Variants in CAMK1D observed in about 807,000 individuals in gnomAD.
The protein encoded by CAMK1D is calcium/calmodulin-dependent protein kinase type 1D.
Under a neutral mutation model 47.7 loss-of-function variants are expected in CAMK1D, and 9 were observed. The observed-to-expected ratio is 0.19, with a 90% confidence interval of 0.11 to 0.33. The LOEUF (loss-of-function observed/expected upper bound fraction) is 0.33, where lower values mean the gene tolerates loss of function less well. Ranked by LOEUF, CAMK1D falls within the 10% of genes least tolerant of loss-of-function variation. The pLI is 1.00. For synonymous variants in CAMK1D, 184 were observed against 184.9 expected (o/e 0.99, Z 0.04); for missense variants, 291 against 488.7 (o/e 0.60, Z 3.81).
At chr10:12,366,678 A>G (rs12413064) in intron 1 of CAMK1D, among the ~76,000 whole-genome samples, 1 of 151,510 alleles carries the variant, frequency 6.6e-6, no homozygotes. Context: ...AAGAAGAGTC[A>G]ATCATTGGCT....
chr10:12,515,360 C>G (rs905028401), intron 1 of CAMK1D, among the ~76,000 whole-genome samples: 1 of 150,952 alleles, frequency 6.6e-6, no homozygotes, highest in Admixed American at 6.6e-5. Flanking sequence ...GAAGCCTCGG[C>G]AGCCTTTCTC....
intron 2 of CAMK1D, among the ~76,000 whole-genome samples, chr10:12,644,475 C>T (rs1333804030): frequency 6.6e-6 from 1 of 152,194 alleles, no homozygotes; most frequent in East Asian, 1.9e-4. Context: ...AAGCACTTGA[C>T]CCATACACTA....
At chr10:12,466,108 A>G (rs899816003) in intron 1 of CAMK1D, among the ~76,000 whole-genome samples, 1 of 151,982 alleles carries the variant, frequency 6.6e-6, no homozygotes, top group African/African-American at 2.4e-5. Flanking sequence ...TCTTTAGGCC[A>G]GGAGTTCGAG....
intron 3 of CAMK1D, among the ~76,000 whole-genome samples, chr10:12,692,303 A>G (rs891262603): frequency 6.6e-6 from 1 of 152,210 alleles, no homozygotes; most frequent in Non-Finnish European, 1.5e-5. Context: ...GTTCAGAAAT[A>G]GATGCTCCTT....
At chr10:12,407,296 C>A (rs3902810) in intron 1 of CAMK1D, among the ~76,000 whole-genome samples, 32,744 of 152,226 alleles carry the variant, frequency 0.22, 3,741 homozygotes, top group Admixed American at 0.3. Flanking sequence ...GTCACCCAGC[C>A]CCAGCTTAAA....
intron 2 of CAMK1D, among the ~76,000 whole-genome samples, chr10:12,624,228 A>C (rs758333945): frequency 6.6e-6 from 1 of 152,046 alleles, no homozygotes; most frequent in Non-Finnish European, 1.5e-5. Flanking sequence ...GTGTGTGTGT[A>C]AATTTTCTTA....
rs116446499 is a variant in CAMK1D, at chr10:12,472,980, G to C, written c.93-80245G>C. Among the ~76,000 whole-genome samples the C allele has an allele frequency of 4.5e-3, 682 of 152,322 alleles. 6 individuals are homozygous for C. Among genetic ancestry groups the C allele is most frequent in the African/African-American group, 0.016 (660 of 41,568 alleles). ...GAAATATCCATGTGGGGATTGCTCT[G>C]AGGTGGCCAGGATGAGCAGAAACAC... On this transcript the variant is annotated intron_variant, in intron 1 of 10. Transcript: ENST00000619168.
chr10:12,736,432 T>A (rs1835192199), intron 3 of CAMK1D, among the ~76,000 whole-genome samples: 1 of 152,234 alleles, frequency 6.6e-6, no homozygotes, highest in African/African-American at 2.4e-5. Context: ...CGAGTTCTAG[T>A]AACAGTAATA....
chr10:12,396,908 C>T lies in CAMK1D; in HGVS notation c.92+46998C>T, dbSNP rs187145223. The stretch of plus-strand genomic sequence containing the variant: ...GAGCTGAATGAGGGGCCCAGGAAGA[C>T]GCTGATTTTATGCACCATCTCTGTG... On this transcript the variant is annotated intron_variant, in intron 1 of 10. Coordinates refer to ENST00000619168, the MANE Select transcript of CAMK1D (RefSeq NM_153498.4). Among the ~76,000 whole-genome samples, 25 of 152,286 alleles carry T rather than the reference C, an allele frequency of 1.6e-4. No homozygotes were observed. In the East Asian group the frequency reaches 3.9e-3, roughly 24 times the overall value.
At chr10:12,470,992 A>T (rs1427372841) in intron 1 of CAMK1D, among the ~76,000 whole-genome samples, 1 of 152,156 alleles carries the variant, frequency 6.6e-6, no homozygotes, top group African/African-American at 2.4e-5. Flanking sequence ...TCTTTTTGTT[A>T]GAGCCGCTTT....
chr10:12,760,381 C>G (rs1836444296), intron 3 of CAMK1D, among the ~76,000 whole-genome samples: 1 of 152,138 alleles, frequency 6.6e-6, no homozygotes, highest in Non-Finnish European at 1.5e-5. Flanking sequence ...TCTGATCATT[C>G]CGAAGGCATG....
chr10:12,505,968 C>T (rs1043997812), intron 1 of CAMK1D, among the ~76,000 whole-genome samples: 13 of 152,108 alleles, frequency 8.5e-5, no homozygotes, highest in African/African-American at 2.2e-4. Flanking sequence ...ATAGATAAGA[C>T]GGAAGGAGAA....
intron 5 of CAMK1D, among the ~76,000 whole-genome samples, chr10:12,789,689 T>A: frequency 6.6e-6 from 1 of 152,218 alleles, no homozygotes; most frequent in South Asian, 2.1e-4. Context: ...TACCTCTGTG[T>A]CCTCCCCTGT....
At chr10:12,554,637 A>G (rs1445502446) in intron 2 of CAMK1D, among the ~76,000 whole-genome samples, 1 of 152,036 alleles carries the variant, frequency 6.6e-6, no homozygotes, top group African/African-American at 2.4e-5. Flanking sequence ...CTTGAGCTCA[A>G]GTGATCTTCC....
intron 1 of CAMK1D, among the ~76,000 whole-genome samples, chr10:12,405,731 C>G (rs929977470): frequency 1.3e-5 from 2 of 152,110 alleles, no homozygotes; most frequent in African/African-American, 4.8e-5. Context: ...TGAGCAAACC[C>G]GTGATATCAG....
intron 2 of CAMK1D, among the ~76,000 whole-genome samples, chr10:12,662,651 C>CAAAAAAAAAA (rs56807588): frequency 5.0e-5 from 7 of 140,504 alleles, no homozygotes; most frequent in African/African-American, 1.6e-4. Flanking sequence ...CACTCTGCCT[C>CAAAAAAAAAA]AAAAAAAAAA....
At chr10:12,364,963 CTT>C (rs112350234) in intron 1 of CAMK1D, among the ~76,000 whole-genome samples, 1,930 of 144,324 alleles carry the variant, frequency 0.013, 40 homozygotes, top group African/African-American at 0.045. Flanking sequence ...CTCTCTGATT[CTT>C]TTTTTTTTTT....
intron 5 of CAMK1D, among the ~76,000 whole-genome samples, chr10:12,780,924 G>A (rs1460107602): frequency 6.6e-6 from 1 of 152,198 alleles, no homozygotes; most frequent in East Asian, 1.9e-4. Context: ...CGGTGTTGGA[G>A]AGGACAGGGC....
intron 2 of CAMK1D, among the ~76,000 whole-genome samples, chr10:12,646,198 T>G (rs1839806622): frequency 6.6e-6 from 1 of 152,224 alleles, no homozygotes; most frequent in African/African-American, 2.4e-5. Context: ...CCTAGAAAGT[T>G]ATGTTAGGAT....
Sources: gnomAD v4.1 joint callset for allele counts (sites outside exome capture counted in the v4.1 genomes callset) on GRCh38, gnomAD v4.1.1 for gene constraint, MANE v1.5 for transcripts, NCBI Gene and HGNC (gene_info 2026-07-23, HGNC 2026-07-21) for gene names.